The following ST6GAL1 variants were observed in gnomAD, a reference collection of about 807,000 sequenced individuals.
ST6GAL1 encodes ST6 beta-galactoside alpha-2,6-sialyltransferase 1.
In ST6GAL1, 20 loss-of-function variants were observed where a neutral mutation model predicts 38.0. The ratio of observed to expected loss-of-function variants is 0.53; its 90% CI spans 0.37 to 0.77. The LOEUF is 0.77. Among genes scored for constraint, ST6GAL1 ranks in the 30% least tolerant of loss-of-function variants. The pLI, the probability that ST6GAL1 is intolerant of heterozygous loss-of-function variation, is 0.00. For synonymous variants in ST6GAL1, 196 were observed against 188.2 expected, an observed-to-expected ratio of 1.04 and a Z score of -0.34; for missense variants, 432 against 496.4, an observed-to-expected ratio of 0.87 and a Z score of 1.23.
chr3:187,045,512 T>G (rs1166027212), intron 4 of ST6GAL1, among the ~76,000 whole-genome samples: 9 of 152,250 alleles, frequency 5.9e-5, no homozygotes, highest in Non-Finnish European at 1.2e-4. Context: ...ATGCTTATTA[T>G]GCATCTGCTG....
chr3:187,063,007 A>G (rs1718974771), intron 5 of ST6GAL1, among the ~76,000 whole-genome samples: 1 of 152,178 alleles, frequency 6.6e-6, no homozygotes, highest in South Asian at 2.1e-4. Context: ...CATTTTGGGA[A>G]GCTGAAAAAG....
intron 5 of ST6GAL1, among the ~76,000 whole-genome samples, chr3:187,069,466 G>C (rs542077228): frequency 1.3e-5 from 2 of 152,272 alleles, no homozygotes; most frequent in Non-Finnish European, 2.9e-5. Flanking sequence ...TCTTATGCAG[G>C]AAATGGCCTG....
At chr3:187,055,768 C>T (rs1718678153) in intron 5 of ST6GAL1, among the ~76,000 whole-genome samples, 3 of 152,184 alleles carry the variant, frequency 2.0e-5, no homozygotes, top group African/African-American at 7.2e-5. Context: ...GGTGCTGAGA[C>T]AAATGTATAT....
chr3:187,034,472 A>G (rs540591026), intron 2 of ST6GAL1, among the ~76,000 whole-genome samples: 37 of 152,324 alleles, frequency 2.4e-4, no homozygotes, highest in Non-Finnish European at 4.6e-4. Context: ...CCGCAGGCCA[A>G]TATCCCTGAT....
chr3:186,940,551 C>G (rs937503342), intron 1 of ST6GAL1, among the ~76,000 whole-genome samples: 1 of 152,258 alleles, frequency 6.6e-6, no homozygotes, highest in Non-Finnish European at 1.5e-5. Flanking sequence ...TGCGGCCCAA[C>G]ACAAATTCGT....
In ST6GAL1 at chr3:186,980,781, AAAGAT is replaced by A. The variant is rs1367372738; in HGVS notation, c.-183+16857_-183+16861del. 8.1e-4 allele frequency among the ~76,000 whole-genome samples: 123 copies of A among 151,740 alleles called. 4 individuals carry two copies. The highest frequency in any genetic ancestry group is 8.0e-3 in the Admixed American group (122 of 15,206). On this transcript the variant is annotated intron_variant, in intron 2 of 7. Coordinates refer to ENST00000169298, the MANE Select transcript of ST6GAL1 (RefSeq NM_173216.2). ...GACTCCATCTCAAAAAAAAAAAAAA[AAAGAT>A]AGAAGTCAAGGGGAAATAGATTCTG...
intron 1 of ST6GAL1, among the ~76,000 whole-genome samples, chr3:186,962,380 T>G (rs1035320825): frequency 2.0e-5 from 3 of 152,216 alleles, no homozygotes; most frequent in Non-Finnish European, 4.4e-5. Flanking sequence ...AGAGTTCATT[T>G]AGCATAATGG....
At chr3:187,051,596 G>A (rs879833876) in intron 5 of ST6GAL1, 4 of 433,026 alleles carry the variant, frequency 9.2e-6, no homozygotes, top group Non-Finnish European at 1.7e-5. Context: ...AAGTAGAGTT[G>A]AGCTGTCCTT....
Position 187,035,157 on chromosome 3 carries a change from G to A in ST6GAL1, c.-182-3585G>A, listed in dbSNP as rs146797175. Among the ~76,000 whole-genome samples, 574 of 152,088 alleles carry A rather than the reference G, an allele frequency of 3.8e-3. 8 individuals carry two copies. The East Asian group carries it at 0.045, about 12-fold the overall frequency. ...CAACACAATCTCATTTATAATAGTC[G>A]CAACAAAATTTTAAATACCTAGGAA... On this transcript the variant is annotated intron_variant, in intron 2 of 7. Coordinates refer to ENST00000169298, the MANE Select transcript of ST6GAL1 (RefSeq NM_173216.2).
intron 5 of ST6GAL1, among the ~76,000 whole-genome samples, chr3:187,058,366 G>A (rs1000150896): frequency 5.9e-5 from 9 of 152,230 alleles, no homozygotes; most frequent in Non-Finnish European, 8.8e-5. Flanking sequence ...GAAATCACCC[G>A]TCTTGTTTGT....
intron 4 of ST6GAL1, among the ~76,000 whole-genome samples, chr3:187,049,137 C>G (rs1035766892): frequency 6.6e-6 from 1 of 152,092 alleles, no homozygotes; most frequent in Non-Finnish European, 1.5e-5. Context: ...GTGATCCACC[C>G]GCCTCGGCCT....
chr3:186,994,008 A>G (rs1010972933), intron 2 of ST6GAL1, among the ~76,000 whole-genome samples: 1 of 152,144 alleles, frequency 6.6e-6, no homozygotes, highest in African/African-American at 2.4e-5. Context: ...GGCCTGAAGC[A>G]CTCGGCAGGC....
chr3:187,043,729 GAA>G (rs1428899980), intron 4 of ST6GAL1: 3 of 153,040 alleles, frequency 2.0e-5, no homozygotes, highest in Admixed American at 6.5e-5. Context: ...GATTTCATTT[GAA>G]AAAGAGAGTT....
At chr3:187,009,203 T>C (rs1471430444) in intron 2 of ST6GAL1, among the ~76,000 whole-genome samples, 2 of 152,084 alleles carry the variant, frequency 1.3e-5, no homozygotes, top group Non-Finnish European at 2.9e-5. Context: ...TGTGAGCATT[T>C]TCCTGTTTTG....
intron 2 of ST6GAL1, among the ~76,000 whole-genome samples, chr3:187,011,346 G>A (rs150145067): frequency 2.0e-4 from 31 of 152,354 alleles, no homozygotes; most frequent in Admixed American, 3.9e-4. Flanking sequence ...GAAGATGAGA[G>A]GCAAACACAG....
chr3:187,042,939 G>T lies in ST6GAL1; in HGVS notation c.236G>T (p.Gly79Val). 4 of 1,614,168 alleles carry T rather than the reference G, an allele frequency of 2.5e-6. No individual in the cohort carries two copies. Among genetic ancestry groups the T allele is most frequent in the Non-Finnish European group, 3.4e-6 (4 of 1,180,030 alleles). ...CCCCACAGGGGCCGCCAGACCCTCG[G>T]CAGTCTCAGAGGCCTAGCCAAGGCC... ...QDPHRGRQTL[G>V]SLRGLAKAKP... Residue 79 changes from glycine to valine, a missense_variant, in exon 4 of 8, where the codon GGC (glycine) becomes GTC (valine). Gly to Val is a moderately radical substitution (Grantham distance 109). Coordinates refer to ENST00000169298, the MANE Select transcript of ST6GAL1 (RefSeq NM_173216.2).
chr3:187,003,858 T>C (rs149456137), intron 2 of ST6GAL1, among the ~76,000 whole-genome samples: 1 of 152,306 alleles, frequency 6.6e-6, no homozygotes, highest in African/African-American at 2.4e-5. Flanking sequence ...TTTCCTTTGG[T>C]CCTCGTAAGG....
chr3:186,974,064 A>T (rs1341850529), intron 2 of ST6GAL1, among the ~76,000 whole-genome samples: 3 of 152,322 alleles, frequency 2.0e-5, no homozygotes, highest in East Asian at 3.9e-4. Flanking sequence ...ACAGCCTGGG[A>T]AGCCAGTGGA....
chr3:187,033,553 G>A lies in ST6GAL1; in HGVS notation c.-182-5189G>A, dbSNP rs372602812. On this transcript the variant is annotated intron_variant, in intron 2 of 7. Coordinates refer to ENST00000169298, the MANE Select transcript of ST6GAL1 (RefSeq NM_173216.2). ...ACATATCTTTTAAGTCACCATCTGAGTATACAGGTAACATTTTCTGTTTTG... is the reference window on the plus strand; with the variant it reads ...ACATATCTTTTAAGTCACCATCTGAATATACAGGTAACATTTTCTGTTTTG... 1.8e-4 allele frequency among the ~76,000 whole-genome samples: 28 copies of A among 152,234 alleles called. No individual in the cohort carries two copies. In the East Asian group the frequency reaches 4.4e-3, roughly 24 times the overall value.
Sources: allele counts gnomAD v4.1 joint callset (sites outside exome capture counted in the v4.1 genomes callset), GRCh38; gene constraint gnomAD v4.1.1; transcripts MANE v1.5; gene names NCBI Gene and HGNC (gene_info 2026-07-23, HGNC 2026-07-21).